The following MAST2 variants were observed in gnomAD, a reference collection of about 807,000 sequenced individuals.
MAST2 encodes microtubule associated serine/threonine kinase 2.
MAST2 carries 70 observed loss-of-function variants against 147.4 expected under a neutral mutation model. The ratio of observed to expected loss-of-function variants is 0.47; its 90% CI spans 0.39 to 0.58. MAST2 has a LOEUF of 0.58. Among genes scored for constraint, MAST2 ranks in the 20% least tolerant of loss-of-function variants. MAST2 has a pLI of 0.00. For synonymous variants in MAST2, 869 were observed against 896.8 expected, an observed-to-expected ratio of 0.97 and a Z score of 0.55; for missense variants, 2,080 against 2,302.3, an observed-to-expected ratio of 0.90 and a Z score of 1.98.
intron 1 of MAST2, among the ~76,000 whole-genome samples, chr1:45,812,315 G>C (rs1644327263): frequency 6.6e-6 from 1 of 152,094 alleles, no homozygotes; most frequent in African/African-American, 2.4e-5. Flanking sequence ...GTCTATGGTG[G>C]CTTGAAGCAG....
intron 5 of MAST2, among the ~76,000 whole-genome samples, chr1:45,982,736 A>T (rs1052228494): frequency 2.0e-5 from 3 of 152,250 alleles, no homozygotes; most frequent in East Asian, 3.8e-4. Flanking sequence ...CTGAACTTGC[A>T]GCTAGTCAGC....
chr1:45,967,100 G>T (rs1384931030), intron 5 of MAST2, among the ~76,000 whole-genome samples: 1 of 151,542 alleles, frequency 6.6e-6, no homozygotes, highest in Non-Finnish European at 1.5e-5. Context: ...TTGAGAGAGA[G>T]TCTCACTCTG....
rs1482601276 is a variant in MAST2 at position 45,803,791 on chromosome 1, G to C, written c.-105G>C. 8.3e-6 allele frequency: 3 copies of C among 361,834 alleles called. No individual in the cohort carries two copies. Among genetic ancestry groups the C allele is most frequent in the African/African-American group, 6.4e-5 (3 of 47,132 alleles). The allele number at this position is 361,834 out of a possible 1,614,324, so 22.4% of individuals were successfully genotyped here. ...GTCGGTGGCTTAGGGAGCCCGTCCG[G>C]CCATGGTGGCCGCGGGTGGTGGTTG... is the stretch of plus-strand genomic sequence containing the variant. On this transcript the variant is annotated 5_prime_UTR_variant, in exon 1 of 29. Coordinates refer to ENST00000361297, the MANE Select transcript of MAST2 (RefSeq NM_015112.3).
rs1003843610 is a variant in MAST2 at position 46,031,666 on chromosome 1, C to T, written c.3187+81C>T. ...GGCCTTGGGAGGGTTCTGCACGTGG[C>T]AGGTGTGTGTGTGTGTGTTAAGCAC... is the stretch of plus-strand genomic sequence containing the variant. On this transcript the variant is annotated intron_variant, in intron 24 of 28. Transcript: ENST00000361297. The surrounding 1 kb of genome is among the most constrained non-coding windows in gnomAD (Gnocchi z 4.1). 11 of 1,364,800 alleles carry T rather than the reference C, an allele frequency of 8.1e-6. No individual in the cohort carries two copies. Among genetic ancestry groups the T allele is most frequent in the Middle Eastern group, 3.7e-4 (2 of 5,438 alleles). The allele number at this position is 1,364,800 out of a possible 1,614,324, so 84.5% of individuals were successfully genotyped here. A position where few individuals can be genotyped will look rare whatever the true frequency, so the allele number is the denominator to read the frequency against.
At chr1:45,924,348 C>T (rs1038693336) in intron 4 of MAST2, among the ~76,000 whole-genome samples, 5 of 152,200 alleles carry the variant, frequency 3.3e-5, no homozygotes, top group African/African-American at 1.2e-4. Context: ...ACCTCTCTTA[C>T]TCAATTTATT....
chr1:45,958,402 A>C (rs986062098), intron 4 of MAST2, among the ~76,000 whole-genome samples: 1 of 151,614 alleles, frequency 6.6e-6, no homozygotes, highest in Non-Finnish European at 1.5e-5. Context: ...TCTCAGCTCT[A>C]CTTTTGTCTG....
chr1:45,933,063 TAAAAAAAAA>T (rs61544126), intron 4 of MAST2, among the ~76,000 whole-genome samples: 32 of 88,258 alleles, frequency 3.6e-4, no homozygotes, highest in African/African-American at 1.0e-3. Context: ...CCCATTTCTT[TAAAAAAAAA>T]AAAAAAAAAA....
chr1:45,849,189 A>C (rs1473056485), intron 3 of MAST2, among the ~76,000 whole-genome samples: 1 of 152,208 alleles, frequency 6.6e-6, no homozygotes, highest in African/African-American at 2.4e-5. Flanking sequence ...TGCTATTCCT[A>C]TCAAACTACC....
chr1:45,818,198 G>A (rs1644515093), intron 1 of MAST2, among the ~76,000 whole-genome samples: 1 of 152,202 alleles, frequency 6.6e-6, no homozygotes, highest in African/African-American at 2.4e-5. Context: ...AGGCGTTGCA[G>A]TTTTTGGTGC....
chr1:45,817,633 A>G (rs1210690920), intron 1 of MAST2, among the ~76,000 whole-genome samples: 1 of 152,152 alleles, frequency 6.6e-6, no homozygotes, highest in Non-Finnish European at 1.5e-5. Flanking sequence ...AATCATCTGA[A>G]GGTACAAAAC....
chr1:46,002,847 A>C lies in MAST2; in HGVS notation c.711A>C (p.Ser237=). 2 of 1,614,164 alleles carry C rather than the reference A, an allele frequency of 1.2e-6. No individual in the cohort carries two copies. The highest frequency in any genetic ancestry group is 1.1e-5 in the South Asian group (1 of 91,084). The change falls in exon 7 of 29, where the codon TCA becomes TCC. Residue 237 remains serine (S), a synonymous_variant. Transcript: ENST00000361297. ...GGTCTTTGGCCTCTTTGCCCTCTTC[A>C]GGATATGGAACTAACACTCCTAGCT... The part of the protein sequence containing the change: ...RRWSLASLPS[S]GYGTNTPSST...
chr1:45,987,366 T>G (rs987117740), intron 5 of MAST2, among the ~76,000 whole-genome samples: 1 of 152,006 alleles, frequency 6.6e-6, no homozygotes, highest in Non-Finnish European at 1.5e-5. Context: ...CAGGCTGGAG[T>G]AGGGTGGCAC....
At chr1:45,853,308 A>C (rs1379810533) in intron 3 of MAST2, among the ~76,000 whole-genome samples, 1 of 139,344 alleles carries the variant, frequency 7.2e-6, no homozygotes, top group African/African-American at 2.6e-5. Flanking sequence ...TAACTTTTTT[A>C]TTCTTTTTAA....
At chr1:45,939,516 T>A (rs1372566531) in intron 4 of MAST2, among the ~76,000 whole-genome samples, 1 of 133,114 alleles carries the variant, frequency 7.5e-6, no homozygotes, top group African/African-American at 2.8e-5. Flanking sequence ...TATATAAGTA[T>A]GAGGATCAAT....
intron 11 of MAST2, among the ~76,000 whole-genome samples, chr1:46,020,757 TAC>T (rs1646150263): frequency 6.6e-6 from 1 of 152,214 alleles, no homozygotes; most frequent in Admixed American, 6.5e-5. Flanking sequence ...TTGCCTTTTG[TAC>T]AGTTTCCTAG....
Position 46,000,204 on chromosome 1 carries a change from C to T in MAST2, c.668+2405C>T, listed in dbSNP as rs147298911. Reference sequence around the variant, plus strand: ...TGGTGCAGGTCTGTAATCCTAGCTGCTCGGGAGGCTGAGGCAGGAGAATCA... The same window carrying T: ...TGGTGCAGGTCTGTAATCCTAGCTGTTCGGGAGGCTGAGGCAGGAGAATCA... On this transcript the variant is annotated intron_variant, in intron 6 of 28. Coordinates refer to ENST00000361297, the MANE Select transcript of MAST2 (RefSeq NM_015112.3). Among the ~76,000 whole-genome samples, 306 of 152,282 alleles carry T rather than the reference C, an allele frequency of 2.0e-3. 2 individuals are homozygous for T. The highest frequency in any genetic ancestry group is 6.5e-3 in the African/African-American group (272 of 41,552).
Position 46,031,231 on chromosome 1 carries a change from G to A in MAST2, c.2933G>A (p.Gly978Glu), listed in dbSNP as rs547117472. The stretch of plus-strand genomic sequence containing the variant: ...TCTGGGCCTGTCACTGAACACTCAG[G>A]GGAGCAGCGGCCAAAGCTGGATGAG... ...GVSGPVTEHS[G>E]EQRPKLDEEA... The change falls in exon 23 of 29, where the codon GGG becomes GAG. Residue 978 changes from glycine (G) to glutamate (E), a missense_variant. Gly to Glu is a moderately conservative substitution (Grantham distance 98). Around this residue, in one of 4 missense-constraint regions of MAST2, gnomAD observed 1,278 missense variants for 1,304.2 expected, o/e 0.98. Coordinates refer to ENST00000361297, the MANE Select transcript of MAST2 (RefSeq NM_015112.3). This position sits in a 1 kb window ranked among gnomAD's most constrained non-coding sequence, Gnocchi z 4.1. The A allele has an allele frequency of 6.5e-7, 1 of 1,544,654 alleles. No homozygotes were observed. Among genetic ancestry groups the A allele is most frequent in the South Asian group, 1.2e-5 (1 of 80,784 alleles).
chr1:45,917,228 CACTT>C, intron 4 of MAST2: 1 of 522,120 alleles, frequency 1.9e-6, no homozygotes, highest in Non-Finnish European at 3.0e-6. Flanking sequence ...GATTTTTGAC[CACTT>C]ACTTTTCTTG....
chr1:46,028,888 T>A lies in MAST2; in HGVS notation c.2173T>A (p.Phe725Ile). Reference sequence around the variant, plus strand: ...TGAGTTCCTGGTGGGCTGCGTCCCTTTTTTTGGAGATACTCCGGAGGAGCT... The same window carrying A: ...TGAGTTCCTGGTGGGCTGCGTCCCTATTTTTGGAGATACTCCGGAGGAGCT... ...LYEFLVGCVPFFGDTPEELFG... is the reference protein window; with the variant it reads ...LYEFLVGCVPIFGDTPEELFG... Residue 725 changes from phenylalanine to isoleucine, a missense_variant, in exon 18 of 29, where the codon TTT becomes ATT. This residue lies in a region of MAST2 where 209 missense variants were observed against 309.5 expected (regional missense o/e 0.68). Coordinates refer to ENST00000361297, the MANE Select transcript of MAST2 (RefSeq NM_015112.3). The A allele has an allele frequency of 6.2e-7, 1 of 1,612,094 alleles. No homozygotes were observed. Among genetic ancestry groups the A allele is most frequent in the Non-Finnish European group, 8.5e-7 (1 of 1,179,208 alleles).
Sources: allele counts gnomAD v4.1 joint callset (sites outside exome capture counted in the v4.1 genomes callset), GRCh38; gene constraint gnomAD v4.1.1; regional missense constraint gnomAD v4.1.1; non-coding constraint Gnocchi (gnomAD v3.1); transcripts MANE v1.5; gene names NCBI Gene and HGNC (gene_info 2026-07-23, HGNC 2026-07-21).